Variants in UNC5D observed in about 807,000 individuals in gnomAD.
UNC5D encodes the protein unc-5 netrin receptor D.
UNC5D carries 39 observed loss-of-function variants against 105.4 expected under a neutral mutation model. The observed-to-expected ratio is 0.37, with a 90% CI of 0.29 to 0.48. The LOEUF (loss-of-function observed/expected upper bound fraction) is 0.48, where lower values mean the gene tolerates loss of function less well. Among genes scored for constraint, UNC5D ranks in the 20% least tolerant of loss-of-function variants. UNC5D has a pLI of 0.98. For synonymous variants in UNC5D, 452 were observed against 450.4 expected (o/e 1.00, Z -0.04); for missense variants, 991 against 1,202.4 (o/e 0.82, Z 2.60).
At chr8:35,775,174 T>C (rs1802189878) in intron 16 of UNC5D, among the ~76,000 whole-genome samples, 1 of 152,194 alleles carries the variant, frequency 6.6e-6, no homozygotes, top group African/African-American at 2.4e-5. Context: ...CCCTAAGCAT[T>C]CTTTAACCCT....
In UNC5D at chr8:35,438,606, T is replaced by TC. The variant is rs542857539; in HGVS notation, c.104-110686_104-110685insC. 2.6e-3 allele frequency among the ~76,000 whole-genome samples: 399 copies of TC among 152,140 alleles called. 2 individuals carry two copies. The highest frequency in any genetic ancestry group is 9.2e-3 in the African/African-American group (384 of 41,550). On this transcript the variant is annotated intron_variant, in intron 1 of 16. Transcript: ENST00000404895. ...CTTATTTGTGTGTGTGTACACATTTTTTTTTTTCCTGCAGAGAATAACATA... is the reference window on the plus strand; with the variant it reads ...CTTATTTGTGTGTGTGTACACATTTTCTTTTTTTCCTGCAGAGAATAACATA...
chr8:35,402,101 G>A (rs1476426998), intron 1 of UNC5D, among the ~76,000 whole-genome samples: 1 of 152,146 alleles, frequency 6.6e-6, no homozygotes, highest in African/African-American at 2.4e-5. Context: ...CAAACTGATA[G>A]GCAAGGAGTT....
At chr8:35,467,744 G>T (rs1223755824) in intron 1 of UNC5D, among the ~76,000 whole-genome samples, 1 of 152,120 alleles carries the variant, frequency 6.6e-6, no homozygotes, top group African/African-American at 2.4e-5. Context: ...GGGTAGGGTG[G>T]AGGGAATAGA....
intron 1 of UNC5D, among the ~76,000 whole-genome samples, chr8:35,423,032 TTTGTAC>T: frequency 6.6e-6 from 1 of 152,192 alleles, no homozygotes; most frequent in East Asian, 1.9e-4. Flanking sequence ...GAATCCAGGT[TTTGTAC>T]TTGTCCTCCA....
rs563757829 is a variant in UNC5D, at chr8:35,664,625, C to T, written c.571-18922C>T. Among the ~76,000 whole-genome samples, 10 of 152,162 alleles carry T rather than the reference C, an allele frequency of 6.6e-5. No homozygotes were observed. In the East Asian group the frequency reaches 1.4e-3, roughly 21 times the overall value. On this transcript the variant is annotated intron_variant, in intron 4 of 16. Transcript: ENST00000404895. ...AACTCCTAACATCAGGGGATCCACC[C>T]GCCTCAGCCTCCCAAAGTGCTGAGA... is the stretch of plus-strand genomic sequence containing the variant.
At chr8:35,392,449 C>A (rs1027045858) in intron 1 of UNC5D, among the ~76,000 whole-genome samples, 2 of 152,172 alleles carry the variant, frequency 1.3e-5, no homozygotes, top group Admixed American at 6.5e-5. Flanking sequence ...AAACTCCTGG[C>A]CTCAAGTTAG....
At chr8:35,405,187 G>A (rs1408267555) in intron 1 of UNC5D, among the ~76,000 whole-genome samples, 1 of 152,136 alleles carries the variant, frequency 6.6e-6, no homozygotes, top group Admixed American at 6.6e-5. Context: ...CCCAAATAGT[G>A]GTAGCTGCAT....
At chr8:35,479,072 G>T (rs1187273183) in intron 1 of UNC5D, among the ~76,000 whole-genome samples, 4 of 152,116 alleles carry the variant, frequency 2.6e-5, no homozygotes, top group Middle Eastern at 3.2e-3. Context: ...CTGGATTGCA[G>T]CATTTTTCTT....
At chr8:35,644,258 G>T (rs1352273330) in intron 4 of UNC5D, among the ~76,000 whole-genome samples, 1 of 152,104 alleles carries the variant, frequency 6.6e-6, no homozygotes, top group African/African-American at 2.4e-5. Flanking sequence ...GACAGAAGTG[G>T]TTAACAGAGA....
chr8:35,476,682 C>T (rs1810123386), intron 1 of UNC5D, among the ~76,000 whole-genome samples: 1 of 152,144 alleles, frequency 6.6e-6, no homozygotes, highest in Admixed American at 6.5e-5. Context: ...TTCTGAAAGG[C>T]TACTGTCCTA....
rs552277105 is a variant in UNC5D, at chr8:35,461,000, C to T, written c.104-88292C>T. On this transcript the variant is annotated intron_variant, in intron 1 of 16. Transcript: ENST00000404895. The stretch of plus-strand genomic sequence containing the variant: ...CAGAGCTTTTACCTTTTTGTTATTT[C>T]ATGTTTGCATTTAGGCAAATGAAGA... Among the ~76,000 whole-genome samples the T allele has an allele frequency of 3.9e-5, 6 of 152,302 alleles. No individual in the cohort carries two copies. The South Asian group carries it at 1.2e-3, about 32-fold the overall frequency.
intron 1 of UNC5D, among the ~76,000 whole-genome samples, chr8:35,413,424 A>G (rs1203160928): frequency 6.6e-6 from 1 of 150,980 alleles, no homozygotes; most frequent in African/African-American, 2.4e-5. Context: ...TCTTAAACTC[A>G]TTAAGAATAT....
chr8:35,769,457 T>C (rs887688485), intron 15 of UNC5D, among the ~76,000 whole-genome samples: 9 of 152,122 alleles, frequency 5.9e-5, no homozygotes, highest in Non-Finnish European at 1.2e-4. Flanking sequence ...TGAAAGTATA[T>C]GAAAACTGGG....
chr8:35,731,399 CAAAAAAAAAAAAAAAA>C (rs57529561), intron 11 of UNC5D, among the ~76,000 whole-genome samples: 4 of 30,656 alleles, frequency 1.3e-4, no homozygotes, highest in South Asian at 7.8e-4. Flanking sequence ...ACTCTGTCTC[CAAAAAAAAAAAAAAAA>C]AAAAAAAAAA....
At chr8:35,524,640 C>CAAAAAAAAAAAAAAAAAAAAAAAA (rs113548648) in intron 1 of UNC5D, among the ~76,000 whole-genome samples, 1 of 71,074 alleles carries the variant, frequency 1.4e-5, no homozygotes, top group Non-Finnish European at 2.9e-5. Flanking sequence ...ATGCCCTGTG[C>CAAAAAAAAAAAAAAAAAAAAAAAA]AAAAAAAAAA....
At chr8:35,401,287 C>A (rs1331075558) in intron 1 of UNC5D, among the ~76,000 whole-genome samples, 1 of 152,034 alleles carries the variant, frequency 6.6e-6, no homozygotes, top group Non-Finnish European at 1.5e-5. Context: ...AGTTTGAGAC[C>A]AGCTTGGCCA....
intron 7 of UNC5D, among the ~76,000 whole-genome samples, chr8:35,696,335 C>G (rs540121860): frequency 7.6e-4 from 111 of 146,330 alleles, no homozygotes; most frequent in Non-Finnish European, 1.0e-3. Flanking sequence ...TCCAAGGTCC[C>G]TTCTAGTCAG....
At chr8:35,428,346 AT>A (rs35131097) in intron 1 of UNC5D, among the ~76,000 whole-genome samples, 616 of 92,754 alleles carry the variant, frequency 6.6e-3, no homozygotes, top group African/African-American at 0.019. Context: ...ATGCCTGGCT[AT>A]TTTTTTTTTT....
At chr8:35,687,138 C>G (rs1826059210) in intron 7 of UNC5D, among the ~76,000 whole-genome samples, 1 of 152,260 alleles carries the variant, frequency 6.6e-6, no homozygotes, top group East Asian at 1.9e-4. Context: ...AGGAACATGT[C>G]TTATTACTGT....
Sources: gnomAD v4.1 joint callset for allele counts (sites outside exome capture counted in the v4.1 genomes callset) on GRCh38, gnomAD v4.1.1 for gene constraint, MANE v1.5 for transcripts, NCBI Gene and HGNC (gene_info 2026-07-23, HGNC 2026-07-21) for gene names.